PTPN21: variants seen among roughly 807,000 people sequenced by gnomAD.
The protein encoded by PTPN21 is tyrosine-protein phosphatase non-receptor type 21.
PTPN21 carries 77 observed loss-of-function variants against 131.8 expected under a neutral mutation model. That is an observed-to-expected ratio of 0.58 (90% CI 0.49 to 0.71). PTPN21 has a LOEUF of 0.71. PTPN21 is among the 30% of genes least tolerant of loss of function. The pLI, the probability that PTPN21 is intolerant of heterozygous loss-of-function variation, is 0.00. For synonymous variants in PTPN21, 715 were observed against 621.3 expected (o/e 1.15, Z -2.24); for missense variants, 1,552 against 1,527.1 (o/e 1.02, Z -0.27).
Position 88,517,698 on chromosome 14 carries a change from G to A in PTPN21, c.181-437C>T, listed in dbSNP as rs570393124. Among the ~76,000 whole-genome samples, 40 of 80,636 alleles carry A rather than the reference G, an allele frequency of 5.0e-4. No individual in the cohort carries two copies. In the South Asian group the frequency reaches 0.012, roughly 24 times the overall value. The allele number at this position is 80,636 out of a possible 152,430, so 52.9% of individuals were successfully genotyped here. On this transcript the variant is annotated intron_variant, in intron 2 of 18. Coordinates refer to ENST00000556564, the MANE Select transcript of PTPN21 (RefSeq NM_007039.4). Reference sequence around the variant, plus strand: ...CATATGTATATATACATATGTGTGCGTATGTGTATATATGTGTGTATGTGT... The same window carrying A: ...CATATGTATATATACATATGTGTGCATATGTGTATATATGTGTGTATGTGT...
chr14:88,474,131 CAAAA>C (rs754719071), intron 13 of PTPN21, among the ~76,000 whole-genome samples: 2 of 46,680 alleles, frequency 4.3e-5, no homozygotes, highest in Non-Finnish European at 8.1e-5. Context: ...AGCTGAAGTC[CAAAA>C]AAAAAAAAAA....
chr14:88,518,567 A>G (rs944704416), intron 2 of PTPN21, among the ~76,000 whole-genome samples: 1 of 147,352 alleles, frequency 6.8e-6, no homozygotes, highest in Non-Finnish European at 1.5e-5. Context: ...AGTAGCCAAG[A>G]TTATAGCATG....
chr14:88,476,505 T>G (rs987561287), intron 13 of PTPN21, among the ~76,000 whole-genome samples: 14 of 152,172 alleles, frequency 9.2e-5, no homozygotes, highest in African/African-American at 3.4e-4. Context: ...AAAGCAAATC[T>G]TTGGTTAAAA....
intron 6 of PTPN21, among the ~76,000 whole-genome samples, chr14:88,503,068 G>C (rs1242039899): frequency 1.8e-5 from 2 of 111,634 alleles, no homozygotes; most frequent in Non-Finnish European, 3.6e-5. Flanking sequence ...TTTTTTTTTT[G>C]CTCTGTCACC....
At chr14:88,476,159 T>A (rs1271198405) in intron 13 of PTPN21, among the ~76,000 whole-genome samples, 2 of 152,244 alleles carry the variant, frequency 1.3e-5, no homozygotes, top group Non-Finnish European at 2.9e-5. Flanking sequence ...TCACTGTTTT[T>A]AATACTAAAC....
At chr14:88,497,961 C>A (rs145626097) in intron 8 of PTPN21, among the ~76,000 whole-genome samples, 2 of 152,004 alleles carry the variant, frequency 1.3e-5, no homozygotes, top group East Asian at 1.9e-4. Flanking sequence ...ATTAGCTGGG[C>A]ATGGTGGTGG....
chr14:88,519,242 A>G (rs1230751572), intron 2 of PTPN21, among the ~76,000 whole-genome samples: 1 of 152,194 alleles, frequency 6.6e-6, no homozygotes, highest in African/African-American at 2.4e-5. Context: ...CTCAAAATCA[A>G]TCTACAGATT....
chr14:88,468,860 C>T (rs2077406981), intron 18 of PTPN21, 56 bp downstream of exon 18: 2 of 1,609,582 alleles, frequency 1.2e-6, no homozygotes, highest in Non-Finnish European at 1.7e-6. Flanking sequence ...CTATGTCCCT[C>T]TCTTCCCCAG....
chr14:88,487,890 A>G (rs951349410), intron 10 of PTPN21, among the ~76,000 whole-genome samples: 1 of 147,780 alleles, frequency 6.8e-6, no homozygotes. Flanking sequence ...CGCTTGAGCC[A>G]AGGGGGCGGA....
intron 2 of PTPN21, among the ~76,000 whole-genome samples, chr14:88,544,348 CA>C (rs541076259): frequency 6.8e-6 from 1 of 147,526 alleles, no homozygotes; most frequent in Non-Finnish European, 1.5e-5. Flanking sequence ...TCCATCTCAC[CA>C]AAAAAAAAGA....
Position 88,550,276 on chromosome 14 carries a change from T to A in PTPN21, c.142A>T (p.Ser48Cys). ...TLSVESTGQE[S>C]LEAVAQRLEL... ...AGCCTCTGGGCCACGGCCTCGAGGC[T>A]TTCCTGGCCAGTGCTCTCCACGGAC... The change falls in exon 2 of 19, where the codon AGC (serine) becomes TGC (cysteine). Residue 48 changes from serine to cysteine, a missense_variant. By Grantham distance (112) the Ser-to-Cys change is moderately radical (BLOSUM62 -1). Around this residue, in one of 4 missense-constraint regions of PTPN21, gnomAD observed 206 missense variants for 221.6 expected, o/e 0.93. Coordinates refer to ENST00000556564, the MANE Select transcript of PTPN21 (RefSeq NM_007039.4). 6.2e-7 allele frequency: 1 copy of A among 1,614,152 alleles called. No individual in the cohort carries two copies. Among genetic ancestry groups the A allele is most frequent in the South Asian group, 1.1e-5 (1 of 91,078 alleles).
chr14:88,498,964 T>TA (rs750753740), intron 8 of PTPN21, among the ~76,000 whole-genome samples: 16 of 152,196 alleles, frequency 1.1e-4, no homozygotes, highest in Non-Finnish European at 1.8e-4. Context: ...CGTTGTTTGT[T>TA]AAATCTAAAG....
intron 10 of PTPN21, among the ~76,000 whole-genome samples, chr14:88,488,465 C>CAA (rs2077770192): frequency 6.6e-6 from 1 of 152,198 alleles, no homozygotes; most frequent in Non-Finnish European, 1.5e-5. Flanking sequence ...CCTTCTCTTT[C>CAA]TTCTTGGCAT....
chr14:88,468,949 C>T lies in PTPN21; in HGVS notation c.3363G>A (p.Ser1121=), dbSNP rs142289734. 1.5e-5 allele frequency: 25 copies of T among 1,613,990 alleles called. No homozygotes were observed. In the African/African-American group the frequency reaches 1.7e-4, roughly 11 times the overall value. Residue 1121 remains serine (S), a synonymous_variant, in exon 18 of 19, where the codon TCG becomes TCA. Transcript: ENST00000556564. ...GTTCCAGGCAGGCGATCATGATCTC[C>T]GACAAAATCACCACGCCAGTCCTTC... is the stretch of plus-strand genomic sequence containing the variant. ...GVGRTGVVIL[S]EIMIACLEHN... is the part of the protein sequence containing the mutation.
chr14:88,550,537 A>G lies in PTPN21; in HGVS notation c.-120T>C. On this transcript the variant is annotated 5_prime_UTR_variant, in exon 2 of 19. Coordinates refer to ENST00000556564, the MANE Select transcript of PTPN21 (RefSeq NM_007039.4). ...ATGGGACGAACACTGTCCGGCCTCC[A>G]GCTGCTCACCCAGCAGCCGCTGCCG... 1.0e-6 allele frequency: 1 copy of G among 986,946 alleles called. No homozygotes were observed. Among genetic ancestry groups the G allele is most frequent in the East Asian group, 2.6e-5 (1 of 37,800 alleles). 61.1% of individuals were successfully genotyped at this position (986,946 alleles called of 1,614,324 possible).
At chr14:88,534,317 A>G (rs1187062448) in intron 2 of PTPN21, among the ~76,000 whole-genome samples, 2 of 151,850 alleles carry the variant, frequency 1.3e-5, no homozygotes, top group East Asian at 1.9e-4. Context: ...CAGGACGCAG[A>G]GGTTGCAGTA....
In PTPN21 at chr14:88,468,993, G is replaced by A; in HGVS notation, c.3319C>T (p.His1107Tyr). ...PQSPNPPLLV[H>Y]CSAGVGRTGV... Reference sequence around the variant, plus strand: ...GTCCTTCCTACCCCAGCACTGCAGTGGACCAACAACGGAGGGTTGGGGCTT... The same window carrying A: ...GTCCTTCCTACCCCAGCACTGCAGTAGACCAACAACGGAGGGTTGGGGCTT... The change falls in exon 18 of 19, where the codon CAC becomes TAC. Residue 1107 changes from histidine to tyrosine, a missense_variant. Transcript: ENST00000556564. The A allele has an allele frequency of 6.2e-7, 1 of 1,614,082 alleles. No individual in the cohort carries two copies. The highest frequency in any genetic ancestry group is 1.1e-5 in the South Asian group (1 of 91,068).
chr14:88,502,954 GTTTAT>G lies in PTPN21; in HGVS notation c.587+1466_587+1470del, dbSNP rs377179549. 1.1e-3 allele frequency among the ~76,000 whole-genome samples: 174 copies of G among 152,114 alleles called. 4 individuals carry two copies. Among genetic ancestry groups the G allele is most frequent in the African/African-American group, 4.0e-3 (164 of 41,492 alleles). ...GAGTGGAGAGAGACTAGAGGCAAAA[GTTTAT>G]TTTATTTGGAAGGGGATAAGCAATA... On this transcript the variant is annotated intron_variant, in intron 6 of 18. Coordinates refer to ENST00000556564, the MANE Select transcript of PTPN21 (RefSeq NM_007039.4).
chr14:88,467,249 A>G lies in PTPN21; in HGVS notation c.*888T>C, dbSNP rs372373190. 3 of 151,742 alleles carry G rather than the reference A, an allele frequency of 2.0e-5. No individual in the cohort carries two copies. The highest frequency in any genetic ancestry group is 3.8e-4 in the East Asian group (2 of 5,196). The allele number at this position is 151,742 out of a possible 1,614,324, so 9.4% of individuals were successfully genotyped here. ...TATTGTGTCATCTACAAAGCAACAC[A>G]TATATTAAAACTCAGATTTGTTTTT... On this transcript the variant is annotated 3_prime_UTR_variant, in exon 19 of 19. Coordinates refer to ENST00000556564, the MANE Select transcript of PTPN21 (RefSeq NM_007039.4).
Sources: gnomAD v4.1 joint callset for allele counts (sites outside exome capture counted in the v4.1 genomes callset) on GRCh38, gnomAD v4.1.1 for gene constraint, gnomAD v4.1.1 regional missense constraint, MANE v1.5 for transcripts, NCBI Gene and HGNC (gene_info 2026-07-23, HGNC 2026-07-21) for gene names.